Variants in EYS observed in about 807,000 individuals in gnomAD.
EYS encodes protein eyes shut homolog.
Under a neutral mutation model 282.1 loss-of-function variants are expected in EYS, and 250 were observed. The observed-to-expected ratio is 0.89, with a 90% confidence interval of 0.80 to 0.98. EYS has a LOEUF of 0.98. Among genes scored for constraint, EYS ranks in the 50% least tolerant of loss-of-function variants. EYS has a pLI of 0.00. For missense variants in EYS, 4,016 were observed against 3,709.0 expected, an observed-to-expected ratio of 1.08 and a Z score of -2.15; for synonymous variants, 1,355 against 1,282.9, an observed-to-expected ratio of 1.06 and a Z score of -1.20.
At chr6:65,136,413 T>C (rs1776023915) in intron 12 of EYS, among the ~76,000 whole-genome samples, 1 of 152,004 alleles carries the variant, frequency 6.6e-6, no homozygotes, top group Non-Finnish European at 1.5e-5. Flanking sequence ...TTTTTATAGT[T>C]AGAATTATTT....
intron 28 of EYS, chr6:64,400,288 T>G (rs1055982255): frequency 1.3e-5 from 2 of 152,040 alleles, no homozygotes; most frequent in Non-Finnish European, 2.9e-5. Context: ...ATACTTAAAA[T>G]TCTTCATGGT....
chr6:64,390,743 C>A (rs1353810501), intron 28 of EYS, among the ~76,000 whole-genome samples: 1 of 150,236 alleles, frequency 6.7e-6, no homozygotes, highest in African/African-American at 2.5e-5. Context: ...GAACGCAGTT[C>A]CTCACCAGCA....
At chr6:63,936,501 A>G (rs1765061552) in intron 35 of EYS, among the ~76,000 whole-genome samples, 1 of 152,182 alleles carries the variant, frequency 6.6e-6, no homozygotes, top group Non-Finnish European at 1.5e-5. Context: ...TACTGTGCAT[A>G]GTCTGTTTCC....
chr6:64,098,748 G>A (rs893790435), intron 31 of EYS, among the ~76,000 whole-genome samples: 3 of 151,776 alleles, frequency 2.0e-5, no homozygotes, highest in Non-Finnish European at 2.9e-5. Context: ...CTAGAGGTGT[G>A]TGCCACCACG....
intron 12 of EYS, among the ~76,000 whole-genome samples, chr6:65,278,394 TTA>T (rs569989603): frequency 2.8e-5 from 4 of 143,800 alleles, no homozygotes; most frequent in Non-Finnish European, 6.0e-5. Context: ...GAAATGTATT[TTA>T]TATATATATA....
intron 5 of EYS, among the ~76,000 whole-genome samples, chr6:65,434,711 TC>T (rs1315971899): frequency 6.6e-6 from 1 of 151,608 alleles, no homozygotes; most frequent in African/African-American, 2.4e-5. Flanking sequence ...AAATCTCTCA[TC>T]ATACTTCTTC....
At chr6:64,300,845 T>C (rs1373323769) in intron 30 of EYS, among the ~76,000 whole-genome samples, 2 of 152,194 alleles carry the variant, frequency 1.3e-5, no homozygotes, top group Non-Finnish European at 2.9e-5. Flanking sequence ...ATACTGGCTA[T>C]CAATAATGAA....
At chr6:63,837,003 G>T (rs1333762699) in intron 36 of EYS, among the ~76,000 whole-genome samples, 1 of 151,884 alleles carries the variant, frequency 6.6e-6, no homozygotes, top group Admixed American at 6.6e-5. Flanking sequence ...TAATTTGAGG[G>T]TTGGGACTAT....
chr6:65,487,128 A>T (rs1383862551), intron 5 of EYS, among the ~76,000 whole-genome samples: 3 of 151,720 alleles, frequency 2.0e-5, no homozygotes, highest in Non-Finnish European at 2.9e-5. Flanking sequence ...AAAAATAGAC[A>T]ATTTGACTTC....
chr6:64,691,280 G>A (rs1014092751), intron 22 of EYS, among the ~76,000 whole-genome samples: 9 of 152,166 alleles, frequency 5.9e-5, no homozygotes, highest in African/African-American at 2.2e-4. Flanking sequence ...TATTTAACAT[G>A]TTACAAGTCT....
At chr6:65,703,617 T>C (rs1213577152) in intron 1 of EYS, among the ~76,000 whole-genome samples, 2 of 151,440 alleles carry the variant, frequency 1.3e-5, no homozygotes, top group Non-Finnish European at 2.9e-5. Context: ...TTTAAAAATA[T>C]TAAAATTATC....
intron 30 of EYS, among the ~76,000 whole-genome samples, chr6:64,261,979 CT>C (rs1214647106): frequency 2.0e-5 from 3 of 151,954 alleles, no homozygotes; most frequent in Non-Finnish European, 4.4e-5. Flanking sequence ...TTGTCTCAAC[CT>C]CTGAGCTCAA....
intron 28 of EYS, among the ~76,000 whole-genome samples, chr6:64,426,804 T>G (rs1582739281): frequency 6.6e-6 from 1 of 152,320 alleles, no homozygotes; most frequent in African/African-American, 2.4e-5. Context: ...CATGCCATGA[T>G]TAGCCACAGT....
rs766595052 is a variant in EYS, at chr6:64,590,765, A to G, written c.5102T>C (p.Leu1701Pro). The G allele has an allele frequency of 6.4e-7, 1 of 1,550,472 alleles. No homozygotes were observed. The highest frequency in any genetic ancestry group is 1.2e-5 in the South Asian group (1 of 84,000). The change falls in exon 26 of 43, where the codon CTA becomes CCA. Residue 1701 changes from leucine to proline, a missense_variant. Leu to Pro is a moderately conservative substitution (Grantham distance 98, BLOSUM62 -3). Coordinates refer to ENST00000503581, the MANE Select transcript of EYS (RefSeq NM_001142800.2). ...TATGCCATATTGTCTTATTTTCAAT[A>G]GTTTTAAAATGTTTTCTGATACTGA... ...ELSVSENILK[L>P]LKIRQYGITM... is the part of the protein sequence containing the mutation.
chr6:64,230,875 A>G, intron 30 of EYS, 51 bp from the exon 31 acceptor site: 4 of 1,093,188 alleles, frequency 3.7e-6, no homozygotes, highest in Non-Finnish European at 5.2e-6. Flanking sequence ...AAGCACTAGG[A>G]ACATAAATAG....
chr6:65,080,141 G>A (rs1189274256), intron 12 of EYS, among the ~76,000 whole-genome samples: 1 of 152,044 alleles, frequency 6.6e-6, no homozygotes, highest in East Asian at 1.9e-4. Context: ...TTCCCTCCAA[G>A]AGAGCTGAGA....
intron 37 of EYS, among the ~76,000 whole-genome samples, chr6:63,800,776 G>C (rs913136965): frequency 1.4e-4 from 22 of 152,214 alleles, no homozygotes; most frequent in African/African-American, 4.3e-4. Context: ...CTGAACTCCA[G>C]CCTGGGTGAC....
chr6:65,571,415 C>G (rs6455048), intron 2 of EYS, among the ~76,000 whole-genome samples: 71,415 of 151,740 alleles, frequency 0.47, 16,904 homozygotes, highest in African/African-American at 0.53. Flanking sequence ...GTCATATACT[C>G]TTTCTGGTAC....
chr6:64,002,546 A>C (rs542057865), intron 33 of EYS, among the ~76,000 whole-genome samples: 10 of 152,186 alleles, frequency 6.6e-5, no homozygotes, highest in Non-Finnish European at 1.5e-4. Flanking sequence ...CAGGGCCAAG[A>C]GCCCAAAGCA....
Sources: allele counts gnomAD v4.1 joint callset (sites outside exome capture counted in the v4.1 genomes callset), GRCh38; gene constraint gnomAD v4.1.1; transcripts MANE v1.5; gene names NCBI Gene and HGNC (gene_info 2026-07-23, HGNC 2026-07-21).